The following ENOX1 variants were observed in gnomAD, a reference collection of about 807,000 sequenced individuals.
The protein encoded by ENOX1 is ecto-NOX disulfide-thiol exchanger 1.
Under a neutral mutation model 82.5 loss-of-function variants are expected in ENOX1, and 42 were observed. The ratio of observed to expected loss-of-function variants is 0.51; its 90% CI spans 0.40 to 0.66. The LOEUF (loss-of-function observed/expected upper bound fraction) is 0.66. Among genes scored for constraint, ENOX1 ranks in the 30% least tolerant of loss-of-function variants. The pLI is 0.00. For missense variants in ENOX1, 608 were observed against 811.6 expected (o/e 0.75, Z 3.05); for synonymous variants, 271 against 282.2 (o/e 0.96, Z 0.40).
intron 3 of ENOX1, among the ~76,000 whole-genome samples, chr13:43,471,471 G>A (rs1035752320): frequency 2.0e-5 from 3 of 152,110 alleles, no homozygotes; most frequent in Non-Finnish European, 2.9e-5. Context: ...TAATGCACAC[G>A]TTCAAGTATT....
intron 9 of ENOX1, among the ~76,000 whole-genome samples, chr13:43,332,736 G>C (rs1238736808): frequency 6.6e-6 from 1 of 152,084 alleles, no homozygotes; most frequent in African/African-American, 2.4e-5. Context: ...CAATACATGA[G>C]ATTATAAATC....
At chr13:43,452,580 T>C (rs557937560) in intron 3 of ENOX1, among the ~76,000 whole-genome samples, 1 of 152,216 alleles carries the variant, frequency 6.6e-6, no homozygotes, top group East Asian at 1.9e-4. Flanking sequence ...TGGTGTGCAG[T>C]GGCATGATCT....
chr13:43,552,641 C>T (rs4942237), intron 2 of ENOX1, among the ~76,000 whole-genome samples: 100,039 of 151,976 alleles, frequency 0.66, 32,875 homozygotes, highest in South Asian at 0.84. Context: ...GTAGGCACTC[C>T]TGGGTATACA....
intron 1 of ENOX1, among the ~76,000 whole-genome samples, chr13:43,743,718 A>C (rs1949877173): frequency 6.6e-6 from 1 of 152,232 alleles, no homozygotes; most frequent in Non-Finnish European, 1.5e-5. Context: ...CTGCGTAAAA[A>C]TGGATGAATT....
intron 1 of ENOX1, among the ~76,000 whole-genome samples, chr13:43,735,601 G>A (rs2089585215): frequency 6.6e-6 from 1 of 152,046 alleles, no homozygotes; most frequent in Non-Finnish European, 1.5e-5. Flanking sequence ...TGCGCCTGTA[G>A]TCCCAGCTAC....
At chr13:43,242,872 A>C (rs1157656446) in intron 14 of ENOX1, among the ~76,000 whole-genome samples, 2 of 152,214 alleles carry the variant, frequency 1.3e-5, no homozygotes, top group Admixed American at 1.3e-4. Flanking sequence ...GCAGTGGCTC[A>C]AGCCTGTAAT....
At chr13:43,452,838 A>T (rs1350516836) in intron 3 of ENOX1, among the ~76,000 whole-genome samples, 1 of 152,056 alleles carries the variant, frequency 6.6e-6, no homozygotes, top group African/African-American at 2.4e-5. Flanking sequence ...ATTCTTTTTA[A>T]AGACTCCATT....
At chr13:43,561,992 A>AGAGG (rs565128218) in intron 2 of ENOX1, among the ~76,000 whole-genome samples, 1,178 of 117,306 alleles carry the variant, frequency 0.01, 8 homozygotes, top group Middle Eastern at 0.028. Context: ...AGGAAGAGAG[A>AGAGG]GAGGGAGGGA....
intron 2 of ENOX1, among the ~76,000 whole-genome samples, chr13:43,584,063 T>A (rs554788141): frequency 6.6e-6 from 1 of 152,348 alleles, no homozygotes; most frequent in South Asian, 2.1e-4. Context: ...CCCTGCTACC[T>A]TTCCATAGCC....
chr13:43,609,761 C>A (rs1210404400), intron 2 of ENOX1: 2 of 196,906 alleles, frequency 1.0e-5, no homozygotes, highest in Non-Finnish European at 1.8e-5. Context: ...TATTATTATT[C>A]CATTGAAAAG....
At chr13:43,672,355 A>G (rs2085308417) in intron 1 of ENOX1, among the ~76,000 whole-genome samples, 1 of 152,198 alleles carries the variant, frequency 6.6e-6, no homozygotes, top group African/African-American at 2.4e-5. Context: ...CTCCTACTTT[A>G]TTACCGTTAG....
In ENOX1 at chr13:43,470,356, A is replaced by G. The variant is rs868325887; in HGVS notation, c.-75+13653T>C. ...TATATATATACGTATATATATATGT[A>G]TATATATACGTATATATATACATAT... On this transcript the variant is annotated intron_variant, in intron 3 of 16. Transcript: ENST00000690772. Among the ~76,000 whole-genome samples, 31 of 51,220 alleles carry G rather than the reference A, an allele frequency of 6.1e-4. 1 individual carries two copies. The highest frequency in any genetic ancestry group is 2.1e-3 in the South Asian group (2 of 960). 33.6% of individuals were successfully genotyped at this position (51,220 alleles called of 152,430 possible).
intron 2 of ENOX1, among the ~76,000 whole-genome samples, chr13:43,488,160 A>G (rs1014975652): frequency 3.9e-5 from 6 of 152,180 alleles, no homozygotes; most frequent in Non-Finnish European, 8.8e-5. Flanking sequence ...GGAGAGTTCT[A>G]TGGTTGAAAT....
At chr13:43,373,142 T>A (rs1480081933) in intron 5 of ENOX1, among the ~76,000 whole-genome samples, 1 of 152,036 alleles carries the variant, frequency 6.6e-6, no homozygotes, top group Non-Finnish European at 1.5e-5. Context: ...GTACATGTGC[T>A]ACAAGACTGC....
At chr13:43,457,249 C>A (rs2057276296) in intron 3 of ENOX1, among the ~76,000 whole-genome samples, 1 of 152,140 alleles carries the variant, frequency 6.6e-6, no homozygotes, top group Admixed American at 6.6e-5. Context: ...GTCCAGAGAA[C>A]TTTATGAGTT....
At chr13:43,370,832 T>C (rs1253164347) in intron 5 of ENOX1, among the ~76,000 whole-genome samples, 4 of 152,166 alleles carry the variant, frequency 2.6e-5, no homozygotes, top group Non-Finnish European at 5.9e-5. Context: ...TAGGTCCTCA[T>C]TCGCTCTCAT....
chr13:43,247,343 T>C (rs867146017), intron 14 of ENOX1, among the ~76,000 whole-genome samples: 91 of 152,018 alleles, frequency 6.0e-4, no homozygotes, highest in African/African-American at 2.0e-3. Context: ...AATAAAAAAG[T>C]ATTGTCTCTA....
chr13:43,329,380 A>G (rs2048298297), intron 9 of ENOX1, among the ~76,000 whole-genome samples: 2 of 152,264 alleles, frequency 1.3e-5, no homozygotes, highest in Admixed American at 6.5e-5. Flanking sequence ...GACTTGCTAC[A>G]TGGGAGGAGG....
At chr13:43,344,797 A>G in intron 8 of ENOX1, 47 bp from the exon 9 acceptor site, 1 of 1,563,842 alleles carries the variant, frequency 6.4e-7, no homozygotes, top group Non-Finnish European at 8.8e-7. Context: ...AGATGAGAAA[A>G]TACACTTTAT....
Sources: allele counts gnomAD v4.1 joint callset (sites outside exome capture counted in the v4.1 genomes callset), GRCh38; gene constraint gnomAD v4.1.1; transcripts MANE v1.5; gene names NCBI Gene and HGNC (gene_info 2026-07-23, HGNC 2026-07-21).